MYO16: variants seen among roughly 807,000 people sequenced by gnomAD.
MYO16 encodes myosin XVI, also known as unconventional myosin-XVI.
MYO16 carries 94 observed loss-of-function variants against 205.3 expected under a neutral mutation model. The observed-to-expected ratio is 0.46, with a 90% CI of 0.39 to 0.54. The LOEUF is 0.54. Among genes scored for constraint, MYO16 ranks in the 20% least tolerant of loss-of-function variants. The pLI is 0.00. For missense variants in MYO16, 2,315 were observed against 2,387.5 expected (o/e 0.97, Z 0.63); for synonymous variants, 988 against 954.0 (o/e 1.04, Z -0.66).
At chr13:109,176,668 T>G (rs1001492920) in intron 33 of MYO16, among the ~76,000 whole-genome samples, 1 of 148,988 alleles carries the variant, frequency 6.7e-6, no homozygotes, top group Non-Finnish European at 1.5e-5. Flanking sequence ...AAAATGTTAC[T>G]GCGTTGGCCG....
chr13:108,677,296 C>A (rs1454354815), intron 2 of MYO16, among the ~76,000 whole-genome samples: 1 of 145,766 alleles, frequency 6.9e-6, no homozygotes, highest in Non-Finnish European at 1.5e-5. Flanking sequence ...GAACTAGAAC[C>A]CATAAGGTGC....
intron 2 of MYO16, among the ~76,000 whole-genome samples, chr13:108,679,954 A>G (rs1243595566): frequency 1.3e-5 from 2 of 151,936 alleles, no homozygotes; most frequent in Non-Finnish European, 2.9e-5. Context: ...GCCATCCCCT[A>G]TCTAGAACTT....
chr13:109,065,440 G>A (rs184769147), intron 27 of MYO16: 3 of 389,144 alleles, frequency 7.7e-6, no homozygotes, highest in Non-Finnish European at 1.5e-5. Context: ...ATATGTATAT[G>A]TTAGTTTAAT....
intron 4 of MYO16, among the ~76,000 whole-genome samples, chr13:108,735,502 C>CCATGTGTATTCCATGGTATAT (rs1884666104): frequency 3.7e-5 from 1 of 27,284 alleles, no homozygotes; most frequent in East Asian, 1.2e-3. Context: ...CCATGGTATA[C>CCATGTGTATTCCATGGTATAT]ACCAAGAAAT....
intron 16 of MYO16, among the ~76,000 whole-genome samples, chr13:108,936,169 TTC>T (rs1209929723): frequency 6.6e-6 from 1 of 150,978 alleles, no homozygotes; most frequent in African/African-American, 2.4e-5. Flanking sequence ...TTCTCTCTCT[TTC>T]TCTTTCTTTC....
intron 1 of MYO16, among the ~76,000 whole-genome samples, chr13:108,631,263 T>C (rs1879967871): frequency 6.6e-6 from 1 of 152,184 alleles, no homozygotes; most frequent in African/African-American, 2.4e-5. Flanking sequence ...ATTAGACACA[T>C]TGAACACACC....
chr13:109,045,845 C>T (rs1312911537), intron 23 of MYO16, among the ~76,000 whole-genome samples: 2 of 152,328 alleles, frequency 1.3e-5, no homozygotes, highest in East Asian at 1.9e-4. Context: ...GAATCCAGTC[C>T]TCTCTGGGCT....
the MYO16 span, among the ~76,000 whole-genome samples, chr13:108,561,471 T>C: frequency 5.9e-5 from 9 of 152,368 alleles, no homozygotes; most frequent in South Asian, 1.9e-3. Context: ...AATATTTTTA[T>C]AACTTTCTAA....
the MYO16 span, among the ~76,000 whole-genome samples, chr13:108,510,441 T>TA: frequency 5.4e-5 from 7 of 129,348 alleles, no homozygotes; most frequent in South Asian, 2.6e-4. Context: ...TTTTTTTTTT[T>TA]ATATTTAACA....
At chr13:108,544,769 G>C in the MYO16 span, among the ~76,000 whole-genome samples, 1 of 152,022 alleles carries the variant, frequency 6.6e-6, no homozygotes, top group East Asian at 1.9e-4. Context: ...TAGACTCTGG[G>C]AGCCATCTTT....
intron 14 of MYO16, among the ~76,000 whole-genome samples, chr13:108,893,309 C>A (rs916893230): frequency 6.6e-6 from 1 of 152,030 alleles, no homozygotes; most frequent in Non-Finnish European, 1.5e-5. Flanking sequence ...AGAGATGAAC[C>A]AGTACAATAA....
Position 109,163,298 on chromosome 13 carries a change from G to A in MYO16, c.5165-1603G>A, listed in dbSNP as rs1012528835. ...TTGAGTGCACCAAAGCAAGAAAACAGGAGTCAATATGGAGAATTTGGATAA... is the reference window on the plus strand; with the variant it reads ...TTGAGTGCACCAAAGCAAGAAAACAAGAGTCAATATGGAGAATTTGGATAA... On this transcript the variant is annotated intron_variant, in intron 32 of 34. Transcript: ENST00000457511. Among the ~76,000 whole-genome samples, 4 of 152,174 alleles carry A rather than the reference G, an allele frequency of 2.6e-5. No individual in the cohort carries two copies. The South Asian group carries it at 8.3e-4, about 32-fold the overall frequency.
At chr13:108,923,632 C>A (rs1881847322) in intron 16 of MYO16, among the ~76,000 whole-genome samples, 1 of 152,212 alleles carries the variant, frequency 6.6e-6, no homozygotes, top group African/African-American at 2.4e-5. Flanking sequence ...CTTTCACTGC[C>A]CCAATGCGGC....
intron 1 of MYO16, among the ~76,000 whole-genome samples, chr13:108,634,548 C>T (rs1880137219): frequency 1.3e-5 from 2 of 152,286 alleles, no homozygotes; most frequent in African/African-American, 2.4e-5. Flanking sequence ...TACCTTGAAA[C>T]GATTGCCCAT....
intron 16 of MYO16, among the ~76,000 whole-genome samples, chr13:108,920,404 TTC>T (rs778073941): frequency 6.6e-6 from 1 of 151,548 alleles, no homozygotes; most frequent in Non-Finnish European, 1.5e-5. Flanking sequence ...CCTTCCTTCC[TTC>T]TCTCTCTCTT....
intron 1 of MYO16, among the ~76,000 whole-genome samples, chr13:108,658,955 GC>G (rs1465607248): frequency 4.0e-5 from 6 of 151,838 alleles, no homozygotes; most frequent in African/African-American, 1.2e-4. Flanking sequence ...AGAGAGATTT[GC>G]TTAAAAATCT....
chr13:108,838,694 C>T (rs71439371), intron 9 of MYO16, among the ~76,000 whole-genome samples: 77,242 of 133,690 alleles, frequency 0.58, 23,428 homozygotes, highest in Middle Eastern at 0.71. Flanking sequence ...TATATATACA[C>T]ACACACACAC....
At chr13:109,067,542 C>T (rs1181691106) in intron 27 of MYO16, among the ~76,000 whole-genome samples, 3 of 152,140 alleles carry the variant, frequency 2.0e-5, no homozygotes, top group Non-Finnish European at 2.9e-5. Flanking sequence ...TCCACAATGG[C>T]GTGCTGTTTC....
At chr13:108,605,457 G>A (rs1878918925) in intron 1 of MYO16, among the ~76,000 whole-genome samples, 1 of 152,120 alleles carries the variant, frequency 6.6e-6, no homozygotes, top group Admixed American at 6.5e-5. Context: ...CCCACATGTT[G>A]GGTGAGGGTC....
Sources: allele counts gnomAD v4.1 joint callset (sites outside exome capture counted in the v4.1 genomes callset), GRCh38; gene constraint gnomAD v4.1.1; transcripts MANE v1.5; gene names NCBI Gene and HGNC (gene_info 2026-07-23, HGNC 2026-07-21).